Variants in XXYLT1 observed in about 807,000 individuals in gnomAD.
XXYLT1 encodes UDP-xylose:alpha-xyloside alpha-1,3-xylosyltransferase.
A neutral mutation model predicts 28.9 loss-of-function variants in XXYLT1; 20 were observed. The ratio of observed to expected loss-of-function variants is 0.69; its 90% CI spans 0.49 to 1.00. The LOEUF is 1.00. XXYLT1 is among the 50% of genes least tolerant of loss of function. XXYLT1 has a pLI of 0.00. For synonymous variants in XXYLT1, 257 were observed against 253.8 expected (o/e 1.01, Z -0.12); for missense variants, 542 against 560.1 (o/e 0.97, Z 0.33).
Position 195,076,412 on chromosome 3 carries a change from A to G in XXYLT1, c.786-6301T>C, listed in dbSNP as rs1715123062. Among the ~76,000 whole-genome samples, 2 of 151,782 alleles carry G rather than the reference A, an allele frequency of 1.3e-5. No homozygotes were observed. Among genetic ancestry groups the G allele is most frequent in the Non-Finnish European group, 2.9e-5 (2 of 67,964 alleles). On this transcript the variant is annotated intron_variant, in intron 3 of 3. Coordinates refer to ENST00000310380, the MANE Select transcript of XXYLT1 (RefSeq NM_152531.5). The surrounding 1 kb of genome is among the most constrained non-coding windows in gnomAD (Gnocchi z 5.3). The stretch of plus-strand genomic sequence containing the variant: ...TGAGTCGTTTTGAATTATGTCACGC[A>G]GGGGCCTTCGGTGGGAGGAGGGACA...
chr3:195,179,002 C>T (rs1721810615), intron 2 of XXYLT1, among the ~76,000 whole-genome samples: 1 of 152,188 alleles, frequency 6.6e-6, no homozygotes, highest in Non-Finnish European at 1.5e-5. Flanking sequence ...ACGTAGTTTC[C>T]ACTGGACAAC....
At chr3:195,243,254 A>ACG (rs1724861043) in intron 1 of XXYLT1, among the ~76,000 whole-genome samples, 1 of 152,082 alleles carries the variant, frequency 6.6e-6, no homozygotes, top group African/African-American at 2.4e-5. Context: ...AGATACACGT[A>ACG]ATGTAAATGA....
intron 2 of XXYLT1, among the ~76,000 whole-genome samples, chr3:195,182,281 G>A (rs1721991238): frequency 6.6e-6 from 1 of 152,154 alleles, no homozygotes; most frequent in Non-Finnish European, 1.5e-5. Flanking sequence ...TTAGAATAGT[G>A]ACTAACCTCT....
intron 1 of XXYLT1, among the ~76,000 whole-genome samples, chr3:195,253,690 G>A (rs1167306689): frequency 2.6e-5 from 4 of 151,804 alleles, no homozygotes; most frequent in Non-Finnish European, 5.9e-5. Context: ...GTAGAGACGG[G>A]GTTTCACTAT....
rs536403887 is a variant in XXYLT1 at position 195,129,488 on chromosome 3, C to T, written c.785+26961G>A. Among the ~76,000 whole-genome samples the T allele has an allele frequency of 6.6e-5, 10 of 152,340 alleles. No individual in the cohort carries two copies. The highest frequency in any genetic ancestry group is 4.1e-4 in the South Asian group (2 of 4,828). ...TTCATCTCAATGGACGCATATAGTG[C>T]GGTCTTCTGTGACGGGCTTCTTTCA... On this transcript the variant is annotated intron_variant, in intron 3 of 3. Coordinates refer to ENST00000310380, the MANE Select transcript of XXYLT1 (RefSeq NM_152531.5). This position sits in a 1 kb window ranked among gnomAD's most constrained non-coding sequence, Gnocchi z 4.4.
intron 3 of XXYLT1, among the ~76,000 whole-genome samples, chr3:195,126,881 G>C (rs1718661127): frequency 6.6e-6 from 1 of 152,222 alleles, no homozygotes; most frequent in Non-Finnish European, 1.5e-5. Context: ...TGATTTTCTT[G>C]CCTGGTTGCG....
chr3:195,226,935 C>T, intron 1 of XXYLT1, 79 bp from the exon 2 acceptor site: 1 of 1,539,512 alleles, frequency 6.5e-7, no homozygotes, highest in Non-Finnish European at 8.8e-7. Context: ...GCACCTGGGC[C>T]CACAGAGGCA....
intron 3 of XXYLT1, among the ~76,000 whole-genome samples, chr3:195,154,569 G>A (rs899455898): frequency 1.3e-5 from 2 of 152,128 alleles, no homozygotes; most frequent in Non-Finnish European, 2.9e-5. Context: ...CAGGGAGCGC[G>A]TGCACAACCT....
intron 1 of XXYLT1, among the ~76,000 whole-genome samples, chr3:195,235,762 C>T (rs996695318): frequency 1.3e-5 from 2 of 152,020 alleles, no homozygotes; most frequent in African/African-American, 4.8e-5. Flanking sequence ...CCAGCAATGC[C>T]GTGGTTCTTG....
At chr3:195,224,503 C>T (rs531551646) in intron 2 of XXYLT1, among the ~76,000 whole-genome samples, 49 of 152,314 alleles carry the variant, frequency 3.2e-4, no homozygotes, top group Admixed American at 1.0e-3. Flanking sequence ...CTCTTGTCAT[C>T]GGTCCCTGCA....
chr3:195,174,189 C>A (rs1262076904), intron 2 of XXYLT1, among the ~76,000 whole-genome samples: 1 of 152,126 alleles, frequency 6.6e-6, no homozygotes, highest in Admixed American at 6.5e-5. Context: ...GTCTAGAGAC[C>A]CTTTGTCTAG....
intron 2 of XXYLT1, chr3:195,175,883 T>C: frequency 1.4e-6 from 2 of 1,413,066 alleles, no homozygotes; most frequent in Non-Finnish European, 1.8e-6. Flanking sequence ...AGTGTGACAT[T>C]TGTGTGGGAA....
chr3:195,118,275 G>T (rs1718154198), intron 3 of XXYLT1, among the ~76,000 whole-genome samples: 1 of 152,266 alleles, frequency 6.6e-6, no homozygotes, highest in Non-Finnish European at 1.5e-5. Context: ...GAACAAGTCA[G>T]CACTACCCCT....
At chr3:195,105,441 C>A (rs1717030130) in intron 3 of XXYLT1, among the ~76,000 whole-genome samples, 1 of 152,228 alleles carries the variant, frequency 6.6e-6, no homozygotes, top group Non-Finnish European at 1.5e-5. Flanking sequence ...CATATCTACA[C>A]ACCGTATCAT....
At chr3:195,080,834 C>T (rs900822071) in intron 3 of XXYLT1, among the ~76,000 whole-genome samples, 2 of 152,198 alleles carry the variant, frequency 1.3e-5, no homozygotes, top group African/African-American at 4.8e-5. Context: ...ACCCAGGAGC[C>T]AGAGGTGGCA....
intron 2 of XXYLT1, among the ~76,000 whole-genome samples, chr3:195,191,137 A>C (rs1259391296): frequency 2.0e-5 from 3 of 152,198 alleles, no homozygotes; most frequent in Non-Finnish European, 2.9e-5. Flanking sequence ...CTTAAACTAC[A>C]GTTGACCCTT....
chr3:195,105,164 C>T (rs1291299649), intron 3 of XXYLT1, among the ~76,000 whole-genome samples: 1 of 152,212 alleles, frequency 6.6e-6, no homozygotes, highest in Non-Finnish European at 1.5e-5. Flanking sequence ...GATAAAACCA[C>T]AAAATATGCT....
intron 1 of XXYLT1, among the ~76,000 whole-genome samples, chr3:195,250,078 C>G (rs944335947): frequency 1.3e-5 from 2 of 152,196 alleles, no homozygotes; most frequent in Non-Finnish European, 2.9e-5. Flanking sequence ...GAGCTGCCCT[C>G]CTCCTGCTAG....
At chr3:195,089,216 C>G (rs1577012865) in intron 3 of XXYLT1, among the ~76,000 whole-genome samples, 1 of 152,040 alleles carries the variant, frequency 6.6e-6, no homozygotes, top group East Asian at 1.9e-4. Context: ...CTCCAAGACA[C>G]ATAATTGTCA....
Sources: allele counts gnomAD v4.1 joint callset (sites outside exome capture counted in the v4.1 genomes callset), GRCh38; gene constraint gnomAD v4.1.1; non-coding constraint Gnocchi (gnomAD v3.1); transcripts MANE v1.5; gene names NCBI Gene and HGNC (gene_info 2026-07-23, HGNC 2026-07-21).